Variants in MROH1 observed in about 807,000 individuals in gnomAD.
MROH1 encodes maestro heat like repeat family member 1.
A neutral mutation model predicts 116.5 loss-of-function variants in MROH1; 117 were observed. The observed-to-expected ratio is 1.00, with a 90% confidence interval of 0.86 to 1.17. The LOEUF (loss-of-function observed/expected upper bound fraction) is 1.17. Ranked by LOEUF, MROH1 falls within the 50% of genes most tolerant of loss-of-function variation. MROH1 has a pLI of 0.00. For synonymous variants in MROH1, 921 were observed against 583.9 expected, an observed-to-expected ratio of 1.58 and a Z score of -8.32; for missense variants, 1,873 against 1,338.5, an observed-to-expected ratio of 1.40 and a Z score of -6.23.
intron 7 of MROH1, among the ~76,000 whole-genome samples, chr8:144,184,436 A>G (rs142699620): frequency 1.5e-4 from 23 of 152,354 alleles, no homozygotes; most frequent in African/African-American, 4.6e-4. Flanking sequence ...AAAAAGGAGC[A>G]TTAGAGCAGA....
At position 144,205,485 on chromosome 8, in the gene MROH1, T is replaced by A. The variant is rs565824808; in HGVS notation, c.1141+4944T>A. 8.3e-5 allele frequency among the ~76,000 whole-genome samples: 12 copies of A among 144,236 alleles called. No individual in the cohort carries two copies. In the South Asian group the frequency reaches 9.1e-4, roughly 11 times the overall value. 94.6% of individuals were successfully genotyped at this position (144,236 alleles called of 152,430 possible). ...TTCTGCCTAGATGCCCAAAGGATTT[T>A]TATATATATATAAATCCTTTGCATA... is the stretch of plus-strand genomic sequence containing the variant. On this transcript the variant is annotated intron_variant, in intron 12 of 43. Transcript: ENST00000326134.
intron 24 of MROH1, 126 bp downstream of exon 24, chr8:144,242,754 G>A (rs1041014366): frequency 1.2e-5 from 8 of 693,182 alleles, no homozygotes; most frequent in African/African-American, 1.8e-5. Context: ...CCTGGTCTCC[G>A]TCCCCAGGAG....
intron 14 of MROH1, among the ~76,000 whole-genome samples, chr8:144,230,710 G>C (rs995956929): frequency 1.3e-5 from 2 of 150,440 alleles, no homozygotes; most frequent in African/African-American, 4.9e-5. Flanking sequence ...GTTTGAGAAG[G>C]ATTGGCATTA....
chr8:144,159,368 GGAGA>G (rs1204967869), intron 1 of MROH1, among the ~76,000 whole-genome samples: 1 of 152,058 alleles, frequency 6.6e-6, no homozygotes, highest in Non-Finnish European at 1.5e-5. Flanking sequence ...CAAAAAGAAA[GGAGA>G]GAGAGAGAAA....
intron 12 of MROH1, among the ~76,000 whole-genome samples, chr8:144,210,160 C>G (rs1054230934): frequency 1.3e-5 from 2 of 151,654 alleles, no homozygotes; most frequent in East Asian, 3.9e-4. Flanking sequence ...TACCTATGGC[C>G]GGGTGCGGTG....
chr8:144,204,731 T>A (rs1016412041), intron 12 of MROH1, among the ~76,000 whole-genome samples: 1 of 152,240 alleles, frequency 6.6e-6, no homozygotes, highest in African/African-American at 2.4e-5. Flanking sequence ...TACAGCTTAT[T>A]TATTTTCACT....
chr8:144,162,009 G>A (rs1228405430), intron 2 of MROH1, among the ~76,000 whole-genome samples: 5 of 152,288 alleles, frequency 3.3e-5, no homozygotes, highest in Admixed American at 2.0e-4. Context: ...CTGCCTGGGA[G>A]CCACTGCCCT....
rs1057272768 is a variant in MROH1 at position 144,240,798 on chromosome 8, T to C, written c.1935+121T>C. 0.025 allele frequency: 16,826 copies of C among 684,650 alleles called. 1,973 individuals carry two copies. In the African/African-American group the frequency reaches 0.26, roughly 10 times the overall value. The allele number at this position is 684,650 out of a possible 1,614,324, so 42.4% of individuals were successfully genotyped here. ...CCCTGGTGGCCTGGCAGAGCCTCCT[T>C]GTGGTGGCTGAGGGCCAGGAGTGCG... On this transcript the variant is annotated intron_variant, in intron 20 of 43. Coordinates refer to ENST00000326134, the MANE Select transcript of MROH1 (RefSeq NM_032450.3).
rs901011953 is a variant in MROH1 at position 144,244,016 on chromosome 8, G to A, written c.2555+74G>A. The A allele has an allele frequency of 1.4e-3, 1,009 of 746,346 alleles. 10 individuals are homozygous for A. The African/African-American group carries it at 0.015, about 11-fold the overall frequency. The allele number at this position is 746,346 out of a possible 1,614,324, so 46.2% of individuals were successfully genotyped here. A position where few individuals can be genotyped will look rare whatever the true frequency, so the allele number is the denominator to read the frequency against. On this transcript the variant is annotated intron_variant, in intron 26 of 43. Coordinates refer to ENST00000326134, the MANE Select transcript of MROH1 (RefSeq NM_032450.3). Reference sequence around the variant, plus strand: ...GCATGTGTGTGCATTGTGTGTGCACGTGTATGCGCGTGTGCATGTGCGTGT... The same window carrying A: ...GCATGTGTGTGCATTGTGTGTGCACATGTATGCGCGTGTGCATGTGCGTGT...
rs1844901341 is a variant in MROH1, at chr8:144,260,822, C to T, written c.4526C>T (p.Thr1509Ile). 1 of 777,886 alleles carries T rather than the reference C, an allele frequency of 1.3e-6. No homozygotes were observed. The highest frequency in any genetic ancestry group is 1.7e-5 in the African/African-American group (1 of 59,126). The allele number at this position is 777,886 out of a possible 1,614,324, so 48.2% of individuals were successfully genotyped here. A position where few individuals can be genotyped will look rare whatever the true frequency, so the allele number is the denominator to read the frequency against. Reference protein sequence around the residue: ...LLLHLQDPQATVASACRFALR... With the variant: ...LLLHLQDPQAIVASACRFALR... ...CTGCACCTGCAGGACCCTCAGGCCACCGTGGCCAGCGTGAGTAGCCAGGGG... is the reference window on the plus strand; with the variant it reads ...CTGCACCTGCAGGACCCTCAGGCCATCGTGGCCAGCGTGAGTAGCCAGGGG... Residue 1509 changes from threonine (T) to isoleucine (I), a missense_variant, in exon 40 of 44, where the codon ACC (threonine) becomes ATC (isoleucine). Physicochemically the swap from Thr to Ile is moderately conservative, Grantham distance 89 (BLOSUM62 -1). Coordinates refer to ENST00000326134, the MANE Select transcript of MROH1 (RefSeq NM_032450.3).
chr8:144,237,953 A>G (rs1840328002), intron 14 of MROH1, among the ~76,000 whole-genome samples: 1 of 151,946 alleles, frequency 6.6e-6, no homozygotes, highest in South Asian at 2.1e-4. Flanking sequence ...TTCTTTTATG[A>G]TCTTTAAAAT....
At position 144,200,522 on chromosome 8, in the gene MROH1, A is replaced by G; in HGVS notation, c.1122A>G (p.Arg374=). ...GCGTGGGCACCCTGCAGGTGGTCAG[A>G]CATGTCATCAACTCAGCTGGTGAGT... is the stretch of plus-strand genomic sequence containing the variant. The part of the protein sequence containing the change: ...RTRVGTLQVV[R]HVINSAAAQM... The change falls in exon 12 of 44, where the codon AGA becomes AGG. Residue 374 remains arginine, a synonymous_variant. Coordinates refer to ENST00000326134, the MANE Select transcript of MROH1 (RefSeq NM_032450.3). 1 of 1,550,960 alleles carries G rather than the reference A, an allele frequency of 6.4e-7. No homozygotes were observed. Among genetic ancestry groups the G allele is most frequent in the Non-Finnish European group, 8.7e-7 (1 of 1,147,174 alleles).
chr8:144,258,138 T>C (rs1844256914), intron 35 of MROH1, among the ~76,000 whole-genome samples: 1 of 152,226 alleles, frequency 6.6e-6, no homozygotes, highest in Admixed American at 6.5e-5. Flanking sequence ...CCTGCCAGTT[T>C]CTGGCCCAGC....
chr8:144,226,898 A>G (rs1188987545), intron 14 of MROH1, among the ~76,000 whole-genome samples: 2 of 152,214 alleles, frequency 1.3e-5, no homozygotes, highest in East Asian at 3.8e-4. Context: ...CCAATCCATG[A>G]AAGCAGTACA....
intron 35 of MROH1, among the ~76,000 whole-genome samples, chr8:144,257,459 CCT>C (rs1316523475): frequency 6.6e-5 from 10 of 152,212 alleles, no homozygotes; most frequent in South Asian, 2.1e-4. Context: ...TCCTACAGCC[CCT>C]GTCCAGCTCT....
At chr8:144,204,450 T>C (rs1388094873) in intron 12 of MROH1, among the ~76,000 whole-genome samples, 1 of 152,224 alleles carries the variant, frequency 6.6e-6, no homozygotes, top group Non-Finnish European at 1.5e-5. Flanking sequence ...TGAAGTATAA[T>C]ACACATACAG....
intron 29 of MROH1, among the ~76,000 whole-genome samples, chr8:144,245,474 G>A (rs1841727433): frequency 1.3e-5 from 2 of 152,248 alleles, no homozygotes; most frequent in African/African-American, 2.4e-5. Flanking sequence ...CTGTTAGCCG[G>A]AAGGAACATG....
intron 14 of MROH1, among the ~76,000 whole-genome samples, chr8:144,228,832 CTA>C (rs1342378765): frequency 8.5e-5 from 13 of 152,200 alleles, no homozygotes; most frequent in African/African-American, 2.2e-4. Flanking sequence ...CAAAACTTTT[CTA>C]TGTCTTATGC....
At chr8:144,239,811 G>A (rs1361287885) in intron 18 of MROH1, 56 bp downstream of exon 18, 8 of 712,788 alleles carry the variant, frequency 1.1e-5, no homozygotes, top group Non-Finnish European at 2.1e-5. Context: ...AGGTCTCAGA[G>A]TAGGAGGGTG....
Sources: gnomAD v4.1 joint callset for allele counts (sites outside exome capture counted in the v4.1 genomes callset) on GRCh38, gnomAD v4.1.1 for gene constraint, MANE v1.5 for transcripts, NCBI Gene and HGNC (gene_info 2026-07-23, HGNC 2026-07-21) for gene names.